The following ZCCHC8 variants were observed in gnomAD, a reference collection of about 807,000 sequenced individuals.
ZCCHC8 encodes zinc finger CCHC domain-containing protein 8.
ZCCHC8 carries 27 observed loss-of-function variants against 70.6 expected under a neutral mutation model. The observed-to-expected ratio is 0.38, with a 90% CI of 0.28 to 0.53. The LOEUF is 0.53. ZCCHC8 is among the 20% of genes least tolerant of loss of function. The probability of loss-of-function intolerance (pLI) is 0.81; values close to 1 mark genes in which losing one functional copy is unlikely to be tolerated. For synonymous variants in ZCCHC8, 293 were observed against 317.4 expected (o/e 0.92, Z 0.82); for missense variants, 737 against 876.9 (o/e 0.84, Z 2.01).
Position 122,481,959 on chromosome 12 carries a change from C to T in ZCCHC8, c.861G>A (p.Lys287=). 3.1e-6 allele frequency: 5 copies of T among 1,612,792 alleles called. No individual in the cohort carries two copies. The highest frequency in any genetic ancestry group is 4.2e-6 in the Non-Finnish European group (5 of 1,179,482). ...GCCATTAGTACCTAATAACTCCTGG[C>T]TTGAATCTTCCAAATCTTTCTTCTA... The part of the protein sequence containing the change: ...EEVEERFGRF[K]PGVISEELQD... Residue 287 remains lysine (K), a synonymous_variant, in exon 9 of 14, where the codon AAG becomes AAA. Transcript: ENST00000633063.
intron 13 of ZCCHC8, among the ~76,000 whole-genome samples, chr12:122,475,083 T>G (rs922461561): frequency 6.6e-6 from 1 of 152,074 alleles, no homozygotes; most frequent in Non-Finnish European, 1.5e-5. Context: ...AGTCTTGCTC[T>G]GTTGCCCAGG....
At chr12:122,499,087 T>C (rs1957874903) in intron 1 of ZCCHC8, 1 of 556,912 alleles carries the variant, frequency 1.8e-6, no homozygotes, top group Admixed American at 3.2e-5. Flanking sequence ...ACATATATTC[T>C]AAGACACGAT....
chr12:122,489,078 G>A (rs1373373645), intron 5 of ZCCHC8, among the ~76,000 whole-genome samples: 1 of 152,096 alleles, frequency 6.6e-6, no homozygotes, highest in African/African-American at 2.4e-5. Context: ...ATCCCTCTCA[G>A]CTTTAGCCAT....
At chr12:122,478,431 T>A in intron 11 of ZCCHC8, 139 bp from the exon 12 acceptor site, 1 of 643,764 alleles carries the variant, frequency 1.6e-6, no homozygotes, top group Non-Finnish European at 2.7e-6. Flanking sequence ...TATTGGAAAT[T>A]AAGGAAAATA....
rs951856682 is a variant in ZCCHC8, at chr12:122,472,605, C to G, written c.*892G>C. ...TTTGGGAGGCTGGGCGGGCAGATCA[C>G]CTGAAGTCAGGAGGTCAAGACCAGC... is the stretch of plus-strand genomic sequence containing the variant. On this transcript the variant is annotated 3_prime_UTR_variant, in exon 14 of 14. Transcript: ENST00000633063. 2 of 152,226 alleles carry G rather than the reference C, an allele frequency of 1.3e-5. No homozygotes were observed. The highest frequency in any genetic ancestry group is 4.8e-5 in the African/African-American group (2 of 41,442). The allele number at this position is 152,226 out of a possible 1,614,324, so 9.4% of individuals were successfully genotyped here. A position where few individuals can be genotyped will look rare whatever the true frequency, so the allele number is the denominator to read the frequency against.
rs190563846 is a variant in ZCCHC8, at chr12:122,474,244, G to A, written c.1377C>T (p.Ser459=). Residue 459 remains serine, a synonymous_variant, in exon 14 of 14, where the codon AGC becomes AGT. Coordinates refer to ENST00000633063, the MANE Select transcript of ZCCHC8 (RefSeq NM_017612.5). ...ATGGTGGTTGAAACTGAAAACTTTC[G>A]CTGCTCTGAGAACCATGTGGTACCT... ...DMEVPHGSQS[S]ESFQFQPPLP... 40 of 1,474,798 alleles carry A rather than the reference G, an allele frequency of 2.7e-5. 1 individual carries two copies. Among genetic ancestry groups the A allele is most frequent in the African/African-American group, 1.1e-4 (8 of 69,672 alleles). The allele number at this position is 1,474,798 out of a possible 1,614,324, so 91.4% of individuals were successfully genotyped here. A position where few individuals can be genotyped will look rare whatever the true frequency, so the allele number is the denominator to read the frequency against.
Position 122,478,346 on chromosome 12 carries a change from G to A in ZCCHC8, c.1141-54C>T, listed in dbSNP as rs1042373851. 11 of 1,375,108 alleles carry A rather than the reference G, an allele frequency of 8.0e-6. No individual in the cohort carries two copies. The African/African-American group carries it at 1.5e-4, about 18-fold the overall frequency. The allele number at this position is 1,375,108 out of a possible 1,614,324, so 85.2% of individuals were successfully genotyped here. A position where few individuals can be genotyped will look rare whatever the true frequency, so the allele number is the denominator to read the frequency against. On this transcript the variant is annotated intron_variant, in intron 11 of 13. Transcript: ENST00000633063. ...AACACATGTATTTGGAAAATGTCATGTTTTGAGATTTTGCTCAAAGGAGGT... is the reference window on the plus strand; with the variant it reads ...AACACATGTATTTGGAAAATGTCATATTTTGAGATTTTGCTCAAAGGAGGT...
chr12:122,480,063 C>G (rs1290444125), intron 11 of ZCCHC8, 127 bp downstream of exon 11: 2 of 814,354 alleles, frequency 2.5e-6, no homozygotes, highest in African/African-American at 3.5e-5. Context: ...CATCTTGCCT[C>G]GGACTCCCAA....
intron 10 of ZCCHC8, chr12:122,481,273 A>G (rs914653913): frequency 3.3e-6 from 1 of 302,054 alleles, no homozygotes; most frequent in Non-Finnish European, 6.0e-6. Flanking sequence ...GCTTATGAGG[A>G]CTGGCTGGAG....
chr12:122,498,836 G>A lies in ZCCHC8; in HGVS notation c.233C>T (p.Thr78Ile). 6.2e-7 allele frequency: 1 copy of A among 1,613,424 alleles called. No individual in the cohort carries two copies. The highest frequency in any genetic ancestry group is 8.5e-7 in the Non-Finnish European group (1 of 1,179,582). Residue 78 changes from threonine (T) to isoleucine (I), a missense_variant, in exon 2 of 14, where the codon ACT (threonine) becomes ATT (isoleucine). Thr to Ile is a moderately conservative substitution (Grantham distance 89, BLOSUM62 -1). Coordinates refer to ENST00000633063, the MANE Select transcript of ZCCHC8 (RefSeq NM_017612.5). Reference protein sequence around the residue: ...QELKRKLNILTRPSGILVNDT... With the variant: ...QELKRKLNILIRPSGILVNDT... ...TTCAAAAATCTCATACCTCGGTCGA[G>A]TCAGAATGTTCAATTTTCGTTTAAG...
chr12:122,476,789 G>A (rs1416818978), intron 13 of ZCCHC8, among the ~76,000 whole-genome samples: 2 of 152,064 alleles, frequency 1.3e-5, no homozygotes, highest in Non-Finnish European at 2.9e-5. Context: ...TTGGGAGGTG[G>A]AGGCGGGCAG....
intron 4 of ZCCHC8, among the ~76,000 whole-genome samples, chr12:122,489,967 C>A (rs1957715056): frequency 6.7e-6 from 1 of 150,306 alleles, no homozygotes; most frequent in African/African-American, 2.5e-5. Flanking sequence ...ATACTACTTA[C>A]CTTAATTTTT....
At position 122,482,901 on chromosome 12, in the gene ZCCHC8, C is replaced by T. The variant is rs759606960; in HGVS notation, c.672-206G>A. On this transcript the variant is annotated intron_variant, in intron 7 of 13. Transcript: ENST00000633063. ...TATGCAGAGTCTTTTAACCAAGAAC[C>T]CTTCTGTTCCTGACTGATCTGTTAC... 10 of 533,478 alleles carry T rather than the reference C, an allele frequency of 1.9e-5. No homozygotes were observed. The Admixed American group carries it at 3.5e-4, about 19-fold the overall frequency. 33.0% of individuals were successfully genotyped at this position (533,478 alleles called of 1,614,324 possible).
Position 122,473,300 on chromosome 12 carries a change from T to G in ZCCHC8, c.*197A>C. The G allele has an allele frequency of 4.9e-6, 3 of 614,704 alleles. No individual in the cohort carries two copies. The highest frequency in any genetic ancestry group is 5.4e-6 in the Non-Finnish European group (2 of 369,834). The allele number at this position is 614,704 out of a possible 1,614,324, so 38.1% of individuals were successfully genotyped here. On this transcript the variant is annotated 3_prime_UTR_variant, in exon 14 of 14. Transcript: ENST00000633063. Reference sequence around the variant, plus strand: ...GTCATATTCACATCTCCCCCCAAGTTTTGTCAGTGAGAATAAAATATACTG... The same window carrying G: ...GTCATATTCACATCTCCCCCCAAGTGTTGTCAGTGAGAATAAAATATACTG...
chr12:122,485,065 G>C (rs931354357), intron 5 of ZCCHC8, among the ~76,000 whole-genome samples: 3 of 152,118 alleles, frequency 2.0e-5, no homozygotes, highest in African/African-American at 7.2e-5. Flanking sequence ...CTGACCCATG[G>C]TATGTAGTAT....
intron 12 of ZCCHC8, 118 bp downstream of exon 12, chr12:122,478,088 G>A (rs1957455131): frequency 8.0e-7 from 1 of 1,246,054 alleles, no homozygotes; most frequent in Non-Finnish European, 1.2e-6. Flanking sequence ...TTTTGCCACT[G>A]TTTTCCTTTT....
intron 2 of ZCCHC8, among the ~76,000 whole-genome samples, chr12:122,496,688 CAG>C (rs1957830857): frequency 6.6e-6 from 1 of 152,074 alleles, no homozygotes; most frequent in Admixed American, 6.6e-5. Flanking sequence ...TTTGTAGAGA[CAG>C]AGTCTCACCA....
At chr12:122,475,546 CT>C (rs1957402861) in intron 13 of ZCCHC8, among the ~76,000 whole-genome samples, 4 of 152,220 alleles carry the variant, frequency 2.6e-5, no homozygotes, top group Admixed American at 2.6e-4. Flanking sequence ...TCTGAGAGTA[CT>C]CTCTTTCCTT....
At chr12:122,496,172 A>G (rs200968011) in intron 2 of ZCCHC8, among the ~76,000 whole-genome samples, 2 of 5,420 alleles carry the variant, frequency 3.7e-4, no homozygotes, top group East Asian at 0.032. Context: ...GTCTCAAAAA[A>G]TTTAAAAAAA....
Sources: allele counts gnomAD v4.1 joint callset (sites outside exome capture counted in the v4.1 genomes callset), GRCh38; gene constraint gnomAD v4.1.1; transcripts MANE v1.5; gene names NCBI Gene and HGNC (gene_info 2026-07-23, HGNC 2026-07-21).